The following ASNS variants were observed in gnomAD, a reference collection of about 807,000 sequenced individuals.
The protein encoded by ASNS is asparagine synthetase [glutamine-hydrolyzing].
A neutral mutation model predicts 62.6 loss-of-function variants in ASNS; 37 were observed. The ratio of observed to expected loss-of-function variants is 0.59; its 90% confidence interval spans 0.45 to 0.78. The LOEUF (loss-of-function observed/expected upper bound fraction) is 0.78. Ranked by LOEUF, ASNS falls within the 30% of genes least tolerant of loss-of-function variation. ASNS has a pLI of 0.00. For missense variants in ASNS, 520 were observed against 682.4 expected, an observed-to-expected ratio of 0.76 and a Z score of 2.65; for synonymous variants, 207 against 237.9, an observed-to-expected ratio of 0.87 and a Z score of 1.19.
rs1792114470 is a variant in ASNS at position 97,868,941 on chromosome 7, G to C, written c.216C>G (p.Leu72=). 1 of 1,614,016 alleles carries C rather than the reference G, an allele frequency of 6.2e-7. No homozygotes were observed. Among genetic ancestry groups the C allele is most frequent in the Non-Finnish European group, 8.5e-7 (1 of 1,180,052 alleles). ...GGTTGTAGATTTCACCATTGTAACA[G>C]AGCCACAAATACGGATATTTCTTCA... is the stretch of plus-strand genomic sequence containing the variant. The part of the protein sequence containing the change: ...IRVKKYPYLW[L]CYNGEIYNHK... Residue 72 remains leucine, a synonymous_variant, in exon 3 of 13, where the codon CTC becomes CTG. Coordinates refer to ENST00000394308, the MANE Select transcript of ASNS (RefSeq NM_001673.5).
rs1791213494 is a variant in ASNS at position 97,852,266 on chromosome 7, T to C, written c.1679A>G (p.Lys560Arg). 1.2e-6 allele frequency: 2 copies of C among 1,614,000 alleles called. No homozygotes were observed. The highest frequency in any genetic ancestry group is 1.7e-6 in the Non-Finnish European group (2 of 1,180,032). Residue 560 changes from lysine (K) to arginine (R), a missense_variant, in exon 13 of 13, where the codon AAA (lysine) becomes AGA (arginine). Coordinates refer to ENST00000394308, the MANE Select transcript of ASNS (RefSeq NM_001673.5). ...RTLTHYKSAV[K>R]A ...TTACAGCATAAAGACCACCTAAGCT[T>C]TGACAGCTGACTTGTAGTGGGTCAG...
chr7:97,858,820 T>C, intron 6 of ASNS, 34 bp downstream of exon 6: 1 of 1,554,364 alleles, frequency 6.4e-7, no homozygotes, highest in South Asian at 1.2e-5. Context: ...TAAACACACA[T>C]GAAATATAAT....
At position 97,853,341 on chromosome 7, in the gene ASNS, A is replaced by C. The variant is rs1426420097; in HGVS notation, c.1284T>G (p.Tyr428Ter). 1 of 1,613,504 alleles carries C rather than the reference A, an allele frequency of 6.2e-7. No individual in the cohort carries two copies. Among genetic ancestry groups the C allele is most frequent in the Non-Finnish European group, 8.5e-7 (1 of 1,179,926 alleles). Residue 428 changes from tyrosine to a stop codon, truncating the protein, a stop_gained, in exon 11 of 13, where the codon TAT (tyrosine) becomes TAG (stop). Transcript: ENST00000394308. LOFTEE classifies it high-confidence loss of function. ...TCATTTCTGGTGGCAGAGACAAGTA[A>C]TAGGAAGAAAATCGATGATCTAGAA... ...VPFLDHRFSS[Y>*]YLSLPPEMRI...
In ASNS at chr7:97,856,491, C is replaced by T. The variant is rs114895151; in HGVS notation, c.1030+199G>A. Among the ~76,000 whole-genome samples the T allele has an allele frequency of 3.9e-3, 587 of 152,278 alleles. 4 individuals are homozygous for T. The highest frequency in any genetic ancestry group is 0.013 in the African/African-American group (546 of 41,562). ...CACCAACAATGTGGAGGTTGAACTA[C>T]GTATTTACTATTCCCTTCACTCCAA... On this transcript the variant is annotated intron_variant, in intron 8 of 12. Transcript: ENST00000394308.
the ASNS span, among the ~76,000 whole-genome samples, chr7:97,927,071 C>CTTT: frequency 0.012 from 502 of 40,526 alleles, 126 homozygotes; most frequent in East Asian, 0.073. Flanking sequence ...CCACACCTGG[C>CTTT]TTTTTTTTTT....
the ASNS span, among the ~76,000 whole-genome samples, chr7:97,886,371 T>A: frequency 2.0e-5 from 3 of 152,014 alleles, no homozygotes; most frequent in Admixed American, 6.6e-5. Context: ...ACGGTCTCAA[T>A]CTCCTGACCT....
At chr7:97,855,184 AT>A (rs1472960750) in intron 9 of ASNS, 168 bp downstream of exon 9, 5 of 550,338 alleles carry the variant, frequency 9.1e-6, no homozygotes, top group Admixed American at 3.1e-5. Flanking sequence ...ACACATTAAA[AT>A]TTCTTTCTTC....
the ASNS span, among the ~76,000 whole-genome samples, chr7:97,913,895 G>A: frequency 7.5e-3 from 1,140 of 151,536 alleles, 18 homozygotes; most frequent in African/African-American, 0.026. Flanking sequence ...TGGTTGAGTC[G>A]GTGAAGGGAT....
chr7:97,895,571 A>G, the ASNS span, among the ~76,000 whole-genome samples: 3 of 152,222 alleles, frequency 2.0e-5, no homozygotes, highest in Non-Finnish European at 4.4e-5. Flanking sequence ...AGGTGGACGG[A>G]TCACCTGAGG....
At chr7:97,907,541 G>A in the ASNS span, among the ~76,000 whole-genome samples, 3 of 152,078 alleles carry the variant, frequency 2.0e-5, no homozygotes, top group African/African-American at 2.4e-5. Context: ...GCCCAAGGCC[G>A]GTGGATCATG....
At chr7:97,870,757 A>G (rs1197971557) in intron 1 of ASNS, among the ~76,000 whole-genome samples, 1 of 152,216 alleles carries the variant, frequency 6.6e-6, no homozygotes, top group Non-Finnish European at 1.5e-5. Flanking sequence ...AAAATCAAGT[A>G]TGGTCATCAG....
At position 97,871,504 on chromosome 7, in the gene ASNS, A is replaced by T. The variant is rs187664139; in HGVS notation, c.-60+847T>A. On this transcript the variant is annotated intron_variant, in intron 1 of 12. Coordinates refer to ENST00000394308, the MANE Select transcript of ASNS (RefSeq NM_001673.5). ...TGCTATGAATCATGATTTAAAATTTAAAAAAAAAAACTGCTGTTAAATTAT... is the reference window on the plus strand; with the variant it reads ...TGCTATGAATCATGATTTAAAATTTTAAAAAAAAAACTGCTGTTAAATTAT... Among the ~76,000 whole-genome samples, 402 of 45,832 alleles carry T rather than the reference A, an allele frequency of 8.8e-3. 3 individuals are homozygous for T. Among genetic ancestry groups the T allele is most frequent in the African/African-American group, 0.035 (340 of 9,766 alleles). 30.1% of individuals were successfully genotyped at this position (45,832 alleles called of 152,430 possible). A position where few individuals can be genotyped will look rare whatever the true frequency, so the allele number is the denominator to read the frequency against.
At chr7:97,926,046 C>A in the ASNS span, among the ~76,000 whole-genome samples, 1 of 140,070 alleles carries the variant, frequency 7.1e-6, no homozygotes, top group Non-Finnish European at 1.5e-5. Context: ...ATGCCCCCCA[C>A]CCTCCACCCC....
In ASNS at chr7:97,864,506, C is replaced by A. The variant is rs202126429; in HGVS notation, c.250-10G>T. On this transcript the variant is annotated splice_polypyrimidine_tract_variant and intron_variant, in intron 3 of 12. Transcript: ENST00000394308. Reference sequence around the variant, plus strand: ...CAAAATGCTGTTGCATCTTAGGAAGCGAAAGCAAAACCAAAATGTTAGACT... The same window carrying A: ...CAAAATGCTGTTGCATCTTAGGAAGAGAAAGCAAAACCAAAATGTTAGACT... The A allele has an allele frequency of 1.9e-5, 31 of 1,609,738 alleles. No individual in the cohort carries two copies. The South Asian group carries it at 2.6e-4, about 14-fold the overall frequency.
chr7:97,864,222 G>C (rs1256424149), intron 4 of ASNS, 37 bp downstream of exon 4: 2 of 1,545,888 alleles, frequency 1.3e-6, no homozygotes, highest in African/African-American at 2.8e-5. Flanking sequence ...GTACAACCAA[G>C]ACAATAATGA....
intron 2 of ASNS, among the ~76,000 whole-genome samples, 185 bp from the exon 3 acceptor site, chr7:97,869,364 G>A (rs1366858051): frequency 1.3e-5 from 2 of 152,152 alleles, no homozygotes; most frequent in Admixed American, 6.6e-5. Context: ...TTACTTACAG[G>A]TATTCGGAAA....
the ASNS span, among the ~76,000 whole-genome samples, chr7:97,899,509 T>A: frequency 7.2e-5 from 11 of 152,224 alleles, no homozygotes; most frequent in African/African-American, 2.7e-4. Context: ...TTCAATGGTT[T>A]TTAATATATT....
At chr7:97,896,277 C>T in the ASNS span, among the ~76,000 whole-genome samples, 2 of 151,976 alleles carry the variant, frequency 1.3e-5, no homozygotes, top group Admixed American at 6.6e-5. Context: ...AGAAGCCTCA[C>T]ACTACCTGAT....
chr7:97,894,716 T>A, the ASNS span, among the ~76,000 whole-genome samples: 3 of 152,018 alleles, frequency 2.0e-5, no homozygotes, highest in Non-Finnish European at 4.4e-5. Context: ...GAATAGCAGG[T>A]TTGACTCAGT....
Sources: allele counts gnomAD v4.1 joint callset (sites outside exome capture counted in the v4.1 genomes callset), GRCh38; gene constraint gnomAD v4.1.1; transcripts MANE v1.5; gene names NCBI Gene and HGNC (gene_info 2026-07-23, HGNC 2026-07-21).